TRIP11: variants seen among roughly 807,000 people sequenced by gnomAD.
TRIP11 encodes thyroid hormone receptor interactor 11.
TRIP11 carries 148 observed loss-of-function variants against 223.1 expected under a neutral mutation model. The ratio of observed to expected loss-of-function variants is 0.66; its 90% CI spans 0.58 to 0.76. The LOEUF is 0.76. Ranked by LOEUF, TRIP11 falls within the 30% of genes least tolerant of loss-of-function variation. TRIP11 has a pLI of 0.00. For missense variants in TRIP11, 2,043 were observed against 2,222.0 expected (o/e 0.92, Z 1.62); for synonymous variants, 762 against 772.6 (o/e 0.99, Z 0.23).
At chr14:91,981,713 A>G (rs1011441531) in intron 16 of TRIP11, among the ~76,000 whole-genome samples, 1 of 152,228 alleles carries the variant, frequency 6.6e-6, no homozygotes, top group Non-Finnish European at 1.5e-5. Context: ...TTTTAACTCA[A>G]TTATTTTCAA....
Position 92,033,179 on chromosome 14 carries a change from T to A in TRIP11, c.201+13A>T. 6.2e-7 allele frequency: 1 copy of A among 1,609,662 alleles called. No homozygotes were observed. Among genetic ancestry groups the A allele is most frequent in the Non-Finnish European group, 8.5e-7 (1 of 1,176,398 alleles). On this transcript the variant is annotated intron_variant, in intron 2 of 20. Coordinates refer to ENST00000267622, the MANE Select transcript of TRIP11 (RefSeq NM_004239.4). ...AAAAAAGAAAAATCTAAGTAGTCTTTGATTTTTCTTACCTCTGATCTCAAG... is the reference window on the plus strand; with the variant it reads ...AAAAAAGAAAAATCTAAGTAGTCTTAGATTTTTCTTACCTCTGATCTCAAG...
At chr14:92,026,204 G>A (rs2057184359) in intron 2 of TRIP11, among the ~76,000 whole-genome samples, 1 of 151,944 alleles carries the variant, frequency 6.6e-6, no homozygotes, top group Non-Finnish European at 1.5e-5. Context: ...GAAGGACCTC[G>A]GAAAAAATCC....
intron 13 of TRIP11, 137 bp downstream of exon 13, chr14:91,999,103 T>C: frequency 9.8e-7 from 1 of 1,023,316 alleles, no homozygotes; most frequent in Non-Finnish European, 1.4e-6. Flanking sequence ...ATTTAATCTC[T>C]TTACCTTCAG....
intron 16 of TRIP11, among the ~76,000 whole-genome samples, chr14:91,987,250 T>G (rs762265205): frequency 3.9e-5 from 6 of 152,186 alleles, no homozygotes; most frequent in Non-Finnish European, 8.8e-5. Flanking sequence ...GGCAGTAACT[T>G]GCCTCAGAAT....
At chr14:92,030,319 A>G (rs1245116783) in intron 2 of TRIP11, among the ~76,000 whole-genome samples, 1 of 152,092 alleles carries the variant, frequency 6.6e-6, no homozygotes, top group East Asian at 1.9e-4. Flanking sequence ...TTCACTCTGC[A>G]TTATTTTGTG....
chr14:92,000,249 G>C, intron 11 of TRIP11, 141 bp from the exon 12 acceptor site: 1 of 1,363,666 alleles, frequency 7.3e-7, no homozygotes, highest in Non-Finnish European at 1.0e-6. Context: ...TAGGCTCAGA[G>C]AGACTCCTAG....
chr14:92,015,582 C>T (rs929794548), intron 6 of TRIP11, 114 bp downstream of exon 6: 1 of 818,296 alleles, frequency 1.2e-6, no homozygotes. Context: ...CGCTTGAACC[C>T]GGGGGGCGGA....
intron 16 of TRIP11, among the ~76,000 whole-genome samples, chr14:91,977,596 GT>G (rs2056482501): frequency 6.7e-6 from 1 of 149,514 alleles, no homozygotes; most frequent in Admixed American, 6.6e-5. Flanking sequence ...TTCTGCAAAT[GT>G]TTTGTCATTC....
chr14:92,013,358 C>T (rs1406495003), intron 7 of TRIP11, among the ~76,000 whole-genome samples: 1 of 152,142 alleles, frequency 6.6e-6, no homozygotes, highest in Non-Finnish European at 1.5e-5. Context: ...TCATATAATC[C>T]TCATTACTAA....
In TRIP11 at chr14:92,005,659, T is replaced by A. The variant is rs770144457; in HGVS notation, c.2317A>T (p.Met773Leu). The A allele has an allele frequency of 1.2e-6, 2 of 1,613,792 alleles. No homozygotes were observed. Among genetic ancestry groups the A allele is most frequent in the Non-Finnish European group, 1.7e-6 (2 of 1,180,006 alleles). The change falls in exon 11 of 21, where the codon ATG (methionine) becomes TTG (leucine). Residue 773 changes from methionine (M) to leucine (L), a missense_variant. Physicochemically the swap from Met to Leu is conservative, Grantham distance 15. Coordinates refer to ENST00000267622, the MANE Select transcript of TRIP11 (RefSeq NM_004239.4). Reference protein sequence around the residue: ...HLIKLNQKKDMEIAELKKNIE... With the variant: ...HLIKLNQKKDLEIAELKKNIE... ...TTCTTTTTGAGTTCTGCTATTTCCA[T>A]GTCTTTCTTTTGATTGAGTTTAATT...
rs148084609 is a variant in TRIP11, at chr14:92,025,332, C to T, written c.290G>A (p.Arg97Gln). Residue 97 changes from arginine to glutamine, a missense_variant, in exon 3 of 21, where the codon CGA (arginine) becomes CAA (glutamine). Coordinates refer to ENST00000267622, the MANE Select transcript of TRIP11 (RefSeq NM_004239.4). ...IQIKQQSTSY[R>Q]NQLQQKEVEI... ...TACCTCTTTTTGTTGAAGTTGATTT[C>T]GGTAACTTGTAGATTGCTGCTTTAT... The T allele has an allele frequency of 2.0e-5, 33 of 1,613,214 alleles. No individual in the cohort carries two copies. In the Middle Eastern group the frequency reaches 4.9e-4, roughly 24 times the overall value.
Position 91,969,637 on chromosome 14 carries a change from T to G in TRIP11, c.*36A>C, listed in dbSNP as rs745585138. 6.2e-7 allele frequency: 1 copy of G among 1,605,772 alleles called. No homozygotes were observed. Among genetic ancestry groups the G allele is most frequent in the Non-Finnish European group, 8.5e-7 (1 of 1,174,086 alleles). ...ACATACATATAGTGTTCATGGTTTC[T>G]TTAAAGTGCTAGATTGTCTCTGGCT... On this transcript the variant is annotated 3_prime_UTR_variant, in exon 21 of 21. Transcript: ENST00000267622.
chr14:92,006,168 T>C lies in TRIP11; in HGVS notation c.1808A>G (p.Gln603Arg). The C allele has an allele frequency of 3.1e-6, 5 of 1,613,206 alleles. No homozygotes were observed. Among genetic ancestry groups the C allele is most frequent in the Non-Finnish European group, 3.4e-6 (4 of 1,179,794 alleles). ...CTCCTTAAGTTCTAAATTCTCCTTC[T>C]GGATGCTTACATTACTTTCTTGTGA... ...NKSQESNVSI[Q>R]KENLELKEHI... Residue 603 changes from glutamine to arginine, a missense_variant, in exon 11 of 21, where the codon CAG (glutamine) becomes CGG (arginine). Transcript: ENST00000267622.
rs1478113999 is a variant in TRIP11 at position 92,004,364 on chromosome 14, A to C, written c.3612T>G (p.Phe1204Leu). 1 of 1,614,074 alleles carries C rather than the reference A, an allele frequency of 6.2e-7. No individual in the cohort carries two copies. Among genetic ancestry groups the C allele is most frequent in the Non-Finnish European group, 8.5e-7 (1 of 1,180,018 alleles). The change falls in exon 11 of 21, where the codon TTT becomes TTG. Residue 1204 changes from phenylalanine to leucine, a missense_variant. Phe to Leu is a conservative substitution (Grantham distance 22). Coordinates refer to ENST00000267622, the MANE Select transcript of TRIP11 (RefSeq NM_004239.4). Reference sequence around the variant, plus strand: ...TGTCACGTTCCTGTAGAAGCTCCTCAAATTGATTACTATTAACACCTCCAG... The same window carrying C: ...TGTCACGTTCCTGTAGAAGCTCCTCCAATTGATTACTATTAACACCTCCAG... ...NEAGGVNSNQ[F>L]EELLQERDKL...
chr14:92,033,851 G>A (rs1026161108), intron 1 of TRIP11, among the ~76,000 whole-genome samples: 1 of 152,094 alleles, frequency 6.6e-6, no homozygotes, highest in Non-Finnish European at 1.5e-5. Context: ...GGAGAGTTGT[G>A]TATTTGTTCC....
intron 3 of TRIP11, among the ~76,000 whole-genome samples, chr14:92,024,120 G>A (rs868150055): frequency 2.6e-5 from 4 of 152,262 alleles, no homozygotes; most frequent in African/African-American, 4.8e-5. Context: ...GCTCACGCCT[G>A]TAATCCCAAC....
At position 92,025,305 on chromosome 14, in the gene TRIP11, T is replaced by A; in HGVS notation, c.312+5A>T. ...TACATATGAAGTAACTGTGATAACA[T>A]TTACCTCTTTTTGTTGAAGTTGATT... On this transcript the variant is annotated splice_donor_5th_base_variant and intron_variant, in intron 3 of 20. Coordinates refer to ENST00000267622, the MANE Select transcript of TRIP11 (RefSeq NM_004239.4). 6.3e-7 allele frequency: 1 copy of A among 1,599,108 alleles called. No individual in the cohort carries two copies. The highest frequency in any genetic ancestry group is 8.6e-7 in the Non-Finnish European group (1 of 1,166,906).
chr14:91,979,688 C>T (rs55764222), intron 16 of TRIP11, among the ~76,000 whole-genome samples: 24,043 of 151,820 alleles, frequency 0.16, 2,486 homozygotes, highest in African/African-American at 0.3. Context: ...ATTTAAGGGA[C>T]GGTGCTAGAA....
intron 12 of TRIP11, 77 bp downstream of exon 12, chr14:91,999,891 C>A: frequency 6.3e-7 from 1 of 1,580,094 alleles, no homozygotes; most frequent in Admixed American, 1.7e-5. Context: ...TTCATTTTCA[C>A]TGATCACCTT....
Sources: allele counts gnomAD v4.1 joint callset (sites outside exome capture counted in the v4.1 genomes callset), GRCh38; gene constraint gnomAD v4.1.1; transcripts MANE v1.5; gene names NCBI Gene and HGNC (gene_info 2026-07-23, HGNC 2026-07-21).